Variants in RBM39 observed in about 807,000 individuals in gnomAD.
The protein encoded by RBM39 is RNA-binding protein 39.
Under a neutral mutation model 79.6 loss-of-function variants are expected in RBM39, and 12 were observed. The ratio of observed to expected loss-of-function variants is 0.15; its 90% CI spans 0.10 to 0.24. The LOEUF (loss-of-function observed/expected upper bound fraction) is 0.24. RBM39 is among the 10% of genes least tolerant of loss of function. The probability of loss-of-function intolerance (pLI) is 1.00; values close to 1 mark genes in which losing one functional copy is unlikely to be tolerated. For synonymous variants in RBM39, 185 were observed against 208.4 expected, an observed-to-expected ratio of 0.89 and a Z score of 0.97; for missense variants, 243 against 653.4, an observed-to-expected ratio of 0.37 and a Z score of 6.85.
intron 12 of RBM39, among the ~76,000 whole-genome samples, chr20:35,711,253 A>G (rs2036370818): frequency 6.6e-6 from 1 of 152,194 alleles, no homozygotes; most frequent in African/African-American, 2.4e-5. Context: ...TTAGTTGTCA[A>G]AGAACATTAT....
At chr20:35,741,699 G>C (rs2040558412) in intron 1 of RBM39, 1 of 152,144 alleles carries the variant, frequency 6.6e-6, no homozygotes, top group Non-Finnish European at 1.5e-5. Context: ...GGTCGCGGCC[G>C]GCCCAGGCCT....
chr20:35,718,887 G>A (rs1028440843), intron 9 of RBM39, among the ~76,000 whole-genome samples: 2 of 150,320 alleles, frequency 1.3e-5, no homozygotes, highest in Non-Finnish European at 3.0e-5. Flanking sequence ...GGAAGCTGTA[G>A]AAGAATTGCT....
At chr20:35,735,237 C>T (rs2039781738) in intron 3 of RBM39, among the ~76,000 whole-genome samples, 1 of 152,180 alleles carries the variant, frequency 6.6e-6, no homozygotes, top group Non-Finnish European at 1.5e-5. Context: ...CTGATTTAGA[C>T]TTTGCAAAAC....
rs1255991608 is a variant in RBM39, at chr20:35,722,415, TAA to T, written c.688-540_688-539del. Among the ~76,000 whole-genome samples, 48 of 84,372 alleles carry T rather than the reference TAA, an allele frequency of 5.7e-4. 1 individual carries two copies. In the South Asian group the frequency reaches 0.014, roughly 24 times the overall value. 55.4% of individuals were successfully genotyped at this position (84,372 alleles called of 152,430 possible). A position where few individuals can be genotyped will look rare whatever the true frequency, so the allele number is the denominator to read the frequency against. ...GAGTGAGACTCAGTCTCAAAAAAAA[TAA>T]AAATAAAAAAAAAAATAAAAATAAA... is the stretch of plus-strand genomic sequence containing the variant. On this transcript the variant is annotated intron_variant, in intron 8 of 16. Coordinates refer to ENST00000253363, the MANE Select transcript of RBM39 (RefSeq NM_184234.3).
intron 12 of RBM39, among the ~76,000 whole-genome samples, chr20:35,712,340 C>T (rs561974340): frequency 4.1e-5 from 6 of 146,552 alleles, no homozygotes; most frequent in African/African-American, 1.5e-4. Context: ...GGCTGAGGCA[C>T]GAGAACTGCT....
At chr20:35,736,069 T>A (rs1237179487) in intron 3 of RBM39, among the ~76,000 whole-genome samples, 1 of 152,224 alleles carries the variant, frequency 6.6e-6, no homozygotes, top group Non-Finnish European at 1.5e-5. Flanking sequence ...TACGTTCTTA[T>A]CCTTCTGGCA....
At chr20:35,707,339 T>C (rs1035387065) in intron 13 of RBM39, 138 bp from the exon 14 acceptor site, 3 of 476,288 alleles carry the variant, frequency 6.3e-6, no homozygotes, top group Non-Finnish European at 1.1e-5. Flanking sequence ...TTATTTAATA[T>C]TGCTACTAAT....
intron 7 of RBM39, 52 bp from the exon 8 acceptor site, chr20:35,724,774 AATT>A: frequency 6.3e-7 from 1 of 1,578,296 alleles, no homozygotes; most frequent in Non-Finnish European, 8.7e-7. Context: ...ACACATGTAG[AATT>A]ATTTCAAGAG....
chr20:35,736,705 C>T (rs1448746642), intron 3 of RBM39: 2 of 409,810 alleles, frequency 4.9e-6, no homozygotes, highest in Non-Finnish European at 9.9e-6. Flanking sequence ...GGCTGGAGTA[C>T]AATGGCATAA....
At chr20:35,741,016 G>C (rs1419999295) in intron 1 of RBM39, 129 bp from the exon 2 acceptor site, 2 of 138,006 alleles carry the variant, frequency 1.4e-5, no homozygotes, top group Non-Finnish European at 3.1e-5. Flanking sequence ...ACGATTCCGT[G>C]AGTAAACATT....
chr20:35,717,647 A>G (rs1169731916), intron 9 of RBM39, among the ~76,000 whole-genome samples: 1 of 152,244 alleles, frequency 6.6e-6, no homozygotes, highest in East Asian at 1.9e-4. Context: ...GAACTGTAAC[A>G]CAATCTCCTG....
At chr20:35,732,482 G>A in intron 3 of RBM39, 2 of 228,590 alleles carry the variant, frequency 8.7e-6, no homozygotes, top group Non-Finnish European at 1.8e-5. Flanking sequence ...CTCAAACCCG[G>A]GAAGCGGAGG....
At chr20:35,714,121 G>A in intron 11 of RBM39, 64 bp downstream of exon 11, 1 of 1,505,194 alleles carries the variant, frequency 6.6e-7, no homozygotes, top group East Asian at 2.3e-5. Flanking sequence ...TAGTTTACAT[G>A]GCTACCTTTC....
Position 35,729,372 on chromosome 20 carries a change from A to G in RBM39, c.363-7T>C, listed in dbSNP as rs201588053. On this transcript the variant is annotated splice_polypyrimidine_tract_variant and splice_region_variant and intron_variant, in intron 5 of 16. Transcript: ENST00000253363. The stretch of plus-strand genomic sequence containing the variant: ...GCTTCGGGAACGTCGTCTGCTGCAA[A>G]GTTAAAAAGTTTCAGAAGTTATCCA... 3.1e-6 allele frequency: 5 copies of G among 1,605,790 alleles called. No homozygotes were observed. Among genetic ancestry groups the G allele is most frequent in the African/African-American group, 1.3e-5 (1 of 74,196 alleles).
At chr20:35,738,910 AG>A in intron 3 of RBM39, 57 bp downstream of exon 3, 1 of 1,425,880 alleles carries the variant, frequency 7.0e-7, no homozygotes, top group Non-Finnish European at 9.8e-7. Flanking sequence ...ACACAACTTA[AG>A]GTCTAAAACC....
chr20:35,736,791 T>C, intron 3 of RBM39: 1 of 340,710 alleles, frequency 2.9e-6, no homozygotes, highest in Admixed American at 3.8e-5. Context: ...TAGCTGGGAC[T>C]ACAGGCGTGC....
chr20:35,741,518 T>G (rs2040532378), intron 1 of RBM39: 1 of 152,210 alleles, frequency 6.6e-6, no homozygotes, highest in East Asian at 1.9e-4. Context: ...GACTTCAATA[T>G]CCAATATTTA....
chr20:35,727,071 G>A (rs1223742087), intron 6 of RBM39, among the ~76,000 whole-genome samples: 4 of 152,006 alleles, frequency 2.6e-5, no homozygotes, highest in African/African-American at 4.8e-5. Context: ...ATTGTTACAG[G>A]CATGAGCCAC....
intron 9 of RBM39, among the ~76,000 whole-genome samples, chr20:35,718,844 A>T (rs1010215972): frequency 6.7e-6 from 1 of 148,250 alleles, no homozygotes; most frequent in Non-Finnish European, 1.5e-5. Flanking sequence ...AAAGCCAGGC[A>T]TGGCGGCATG....
Sources: gnomAD v4.1 joint callset for allele counts (sites outside exome capture counted in the v4.1 genomes callset) on GRCh38, gnomAD v4.1.1 for gene constraint, MANE v1.5 for transcripts, NCBI Gene and HGNC (gene_info 2026-07-23, HGNC 2026-07-21) for gene names.